SNW1: variants seen among roughly 807,000 people sequenced by gnomAD.
SNW1 encodes SNW domain-containing protein 1.
Under a neutral mutation model 75.6 loss-of-function variants are expected in SNW1, and 9 were observed. The observed-to-expected ratio is 0.12, with a 90% CI of 0.07 to 0.21. The LOEUF is 0.21. Among genes scored for constraint, SNW1 ranks in the 10% least tolerant of loss-of-function variants. The pLI, the probability that SNW1 is intolerant of heterozygous loss-of-function variation, is 1.00. For synonymous variants in SNW1, 200 were observed against 219.1 expected (o/e 0.91, Z 0.77); for missense variants, 409 against 670.9 (o/e 0.61, Z 4.31).
At chr14:77,719,397 G>A (rs190336100) in intron 12 of SNW1, among the ~76,000 whole-genome samples, 1 of 152,042 alleles carries the variant, frequency 6.6e-6, no homozygotes, top group South Asian at 2.1e-4. Context: ...CAGCACTTTG[G>A]GAGGCCAAGG....
intron 12 of SNW1, chr14:77,720,509 C>T (rs758784146): frequency 2.8e-6 from 2 of 716,276 alleles, no homozygotes; most frequent in Admixed American, 3.9e-5. Context: ...TTTCTTTCTT[C>T]TCCTAGTGTC....
In SNW1 at chr14:77,717,673, A is replaced by G; in HGVS notation, c.*415T>C. 1 of 1,077,552 alleles carries G rather than the reference A, an allele frequency of 9.3e-7. No homozygotes were observed. 66.7% of individuals were successfully genotyped at this position (1,077,552 alleles called of 1,614,324 possible). ...GTTACTTTGCCCACTCCAAATTAAA[A>G]CAGAGCACAATAGGGGCAAAATTTA... On this transcript the variant is annotated 3_prime_UTR_variant, in exon 14 of 14. Transcript: ENST00000261531.
rs2080853135 is a variant in SNW1 at position 77,757,848 on chromosome 14, T to TA, written c.15-2729dup. 2.0e-5 allele frequency among the ~76,000 whole-genome samples: 3 copies of TA among 152,192 alleles called. No homozygotes were observed. In the South Asian group the frequency reaches 6.2e-4, roughly 32 times the overall value. ...CATCTTTATTTCACTACAGCCTTCT[T>TA]ATCTTTTCTTAAACAAGCCATCTCA... On this transcript the variant is annotated intron_variant, in intron 1 of 13. Transcript: ENST00000261531.
chr14:77,751,670 A>T (rs755769761), intron 2 of SNW1, among the ~76,000 whole-genome samples, 190 bp from the exon 3 acceptor site: 2 of 152,150 alleles, frequency 1.3e-5, no homozygotes, highest in Non-Finnish European at 2.9e-5. Flanking sequence ...TTGGCTTGTG[A>T]TAAGTACCAT....
At chr14:77,755,554 G>A (rs1455455388) in intron 1 of SNW1, among the ~76,000 whole-genome samples, 1 of 151,998 alleles carries the variant, frequency 6.6e-6, no homozygotes, top group Admixed American at 6.6e-5. Context: ...AAGTAGCTGG[G>A]ATTACAAGCA....
chr14:77,723,356 A>G (rs980019671), intron 10 of SNW1, 79 bp from the exon 11 acceptor site: 5 of 1,092,874 alleles, frequency 4.6e-6, no homozygotes, highest in Non-Finnish European at 6.9e-6. Context: ...TATATATATA[A>G]TTTTTTAAAA....
At position 77,751,415 on chromosome 14, in the gene SNW1, T is replaced by C. The variant is rs1393323069; in HGVS notation, c.234A>G (p.Arg78=). 1.2e-6 allele frequency: 2 copies of C among 1,613,982 alleles called. No homozygotes were observed. Among genetic ancestry groups the C allele is most frequent in the Non-Finnish European group, 1.7e-6 (2 of 1,179,934 alleles). ...CCAGCGCATTCGACATTTTTTTCTT[T>C]CGTCCCATATCCAGTGGATACTGGG... The part of the protein sequence containing the change: ...HVAQYPLDMG[R]KKKMSNALAI... Residue 78 remains arginine, a synonymous_variant, in exon 3 of 14, where the codon CGA becomes CGG. Coordinates refer to ENST00000261531, the MANE Select transcript of SNW1 (RefSeq NM_012245.3).
intron 3 of SNW1, among the ~76,000 whole-genome samples, chr14:77,743,089 G>T (rs1303019024): frequency 6.6e-6 from 1 of 151,890 alleles, no homozygotes; most frequent in Non-Finnish European, 1.5e-5. Flanking sequence ...GTCAGGCGTG[G>T]TGGCACATGC....
chr14:77,748,988 G>A (rs1184047971), intron 3 of SNW1, among the ~76,000 whole-genome samples: 1 of 152,168 alleles, frequency 6.6e-6, no homozygotes, highest in Non-Finnish European at 1.5e-5. Flanking sequence ...ACCACTTACT[G>A]AGTTACAGAA....
chr14:77,723,731 C>T (rs186488350), intron 10 of SNW1, among the ~76,000 whole-genome samples: 16 of 151,888 alleles, frequency 1.1e-4, no homozygotes, highest in African/African-American at 2.9e-4. Context: ...CTCAGCTCAC[C>T]GCAACCTCTG....
At chr14:77,750,787 C>T (rs1341462478) in intron 3 of SNW1, among the ~76,000 whole-genome samples, 1 of 152,136 alleles carries the variant, frequency 6.6e-6, no homozygotes, top group Non-Finnish European at 1.5e-5. Context: ...GTAGCAGGGC[C>T]ATCCTAAATC....
chr14:77,760,519 CTG>C (rs999656178), intron 1 of SNW1: 6 of 622,116 alleles, frequency 9.6e-6, no homozygotes, highest in Non-Finnish European at 1.7e-5. Context: ...AACAGCAAAA[CTG>C]AGGTGGTTCT....
chr14:77,720,824 T>C lies in SNW1; in HGVS notation c.1135A>G (p.Lys379Glu). ...LSRAAPDKRS[K>E]LQRNENRDIS... ...TCCCGATTTTCATTTCTCTGAAGTT[T>C]CGACCTATTTTGAAATACGACATCA... Residue 379 changes from lysine (K) to glutamate (E), a missense_variant, in exon 12 of 14, where the codon AAA (lysine) becomes GAA (glutamate). By Grantham distance (56) the Lys-to-Glu change is moderately conservative. This residue lies in a region of SNW1 where 126 missense variants were observed against 167.6 expected (regional missense o/e 0.75). Coordinates refer to ENST00000261531, the MANE Select transcript of SNW1 (RefSeq NM_012245.3). 1 of 1,608,502 alleles carries C rather than the reference T, an allele frequency of 6.2e-7. No homozygotes were observed. The highest frequency in any genetic ancestry group is 8.5e-7 in the Non-Finnish European group (1 of 1,175,432).
At chr14:77,746,036 A>C (rs553352498) in intron 3 of SNW1, among the ~76,000 whole-genome samples, 16 of 152,362 alleles carry the variant, frequency 1.1e-4, no homozygotes, top group Admixed American at 7.2e-4. Context: ...ACAAACAACA[A>C]CACATATAAT....
At chr14:77,718,775 G>C (rs748008006) in intron 12 of SNW1, among the ~76,000 whole-genome samples, 1 of 150,268 alleles carries the variant, frequency 6.7e-6, no homozygotes, top group Admixed American at 6.6e-5. Flanking sequence ...GCAGTGGTGT[G>C]ATCTTGGCTC....
chr14:77,738,159 T>C (rs1251304206), intron 5 of SNW1, among the ~76,000 whole-genome samples: 1 of 151,320 alleles, frequency 6.6e-6, no homozygotes, highest in Admixed American at 6.6e-5. Context: ...ATACAAAAAT[T>C]AGCCAGGTAT....
Position 77,726,680 on chromosome 14 carries a change from G to A in SNW1, c.1034-3403C>T, listed in dbSNP as rs140370496. Among the ~76,000 whole-genome samples, 918 of 152,204 alleles carry A rather than the reference G, an allele frequency of 6.0e-3. 14 individuals are homozygous for A. Among genetic ancestry groups the A allele is most frequent in the African/African-American group, 0.021 (877 of 41,528 alleles). On this transcript the variant is annotated intron_variant, in intron 10 of 13. Transcript: ENST00000261531. ...ATAAAAAAAATTAGCCAGGCGTGGT[G>A]GTGTGCGCCTGTTGTCCTAGCTACT...
rs1403405903 is a variant in SNW1, at chr14:77,738,861, G to A, written c.450C>T (p.Ala150=). ...IKEITEKTRV[A]LEKSVSQKVA... ...CCTTCTGTGATACAGATTTTTCTAA[G>A]GCTACTCTTGTCTTTTCTGTTATCT... The change falls in exon 5 of 14, where the codon GCC becomes GCT. Residue 150 remains alanine (A), a synonymous_variant. Transcript: ENST00000261531. 1.2e-6 allele frequency: 2 copies of A among 1,613,992 alleles called. No homozygotes were observed. Among genetic ancestry groups the A allele is most frequent in the African/African-American group, 1.3e-5 (1 of 74,906 alleles).
chr14:77,720,640 T>A (rs1051538809), intron 12 of SNW1, 71 bp downstream of exon 12: 2 of 974,416 alleles, frequency 2.1e-6, no homozygotes, highest in Admixed American at 3.4e-5. Context: ...ATGTAAAGTA[T>A]GTTAATTTTC....
Sources: gnomAD v4.1 joint callset for allele counts (sites outside exome capture counted in the v4.1 genomes callset) on GRCh38, gnomAD v4.1.1 for gene constraint, gnomAD v4.1.1 regional missense constraint, MANE v1.5 for transcripts, NCBI Gene and HGNC (gene_info 2026-07-23, HGNC 2026-07-21) for gene names.